Variants in DMD observed in about 807,000 individuals in gnomAD.
DMD encodes the protein mutant dystrophin.
A neutral mutation model predicts 330.1 loss-of-function variants in DMD; 63 were observed. The observed-to-expected ratio is 0.19, with a 90% confidence interval of 0.16 to 0.24. The LOEUF is 0.24. DMD is among the 10% of genes least tolerant of loss of function. DMD has a pLI of 1.00. For synonymous variants in DMD, 1,223 were observed against 959.8 expected, an observed-to-expected ratio of 1.27 and a Z score of -5.07; for missense variants, 3,344 against 2,684.1, an observed-to-expected ratio of 1.25 and a Z score of -5.43.
chrX:31,381,652 T>C (rs138627067), intron 60 of DMD, among the ~76,000 whole-genome samples: 1,322 of 111,047 alleles, frequency 0.012, 25 homozygotes, highest in African/African-American at 0.041. Context: ...TCCCCATATT[T>C]CCTTCTTTCC....
At chrX:32,949,379 TA>T (rs2091072269) in intron 2 of DMD, among the ~76,000 whole-genome samples, 2 of 93,041 alleles carry the variant, frequency 2.1e-5, no homozygotes, top group African/African-American at 1.0e-4. Context: ...GATAGATAGA[TA>T]GATAGATAGA....
intron 7 of DMD, among the ~76,000 whole-genome samples, chrX:32,706,529 A>C (rs1016932866): frequency 9.1e-6 from 1 of 109,987 alleles, no homozygotes; most frequent in Non-Finnish European, 1.9e-5. Context: ...GGGCCACTGC[A>C]CTCCACCCTG....
chrX:31,507,255 C>A (rs1026879345), intron 56 of DMD, 26 bp downstream of exon 56: 3 of 1,209,308 alleles, frequency 2.5e-6, no homozygotes, highest in Non-Finnish European at 1.1e-6. Flanking sequence ...TCATTTGTGG[C>A]CTTTTTGCTC....
chrX:32,977,430 C>G (rs969940192), intron 2 of DMD, among the ~76,000 whole-genome samples: 38 of 111,709 alleles, frequency 3.4e-4, no homozygotes, highest in African/African-American at 1.2e-3. Context: ...CTGTGGCCGA[C>G]TTGGTTCTAA....
intron 2 of DMD, among the ~76,000 whole-genome samples, chrX:32,988,707 CTATG>C (rs1227223098): frequency 8.9e-6 from 1 of 112,017 alleles, no homozygotes; most frequent in African/African-American, 3.2e-5. Context: ...TGTAGTGTGA[CTATG>C]TATGCATTAA....
rs767760836 is a variant in DMD, at chrX:33,095,640, C to A, written c.32-75440G>T. 1.6e-4 allele frequency among the ~76,000 whole-genome samples: 18 copies of A among 111,674 alleles called. 1 individual carries two copies. In the South Asian group the frequency reaches 6.7e-3, roughly 41 times the overall value. On this transcript the variant is annotated intron_variant, in intron 1 of 78. Transcript: ENST00000357033. ...ACTCATGTATCAGTAGCTTTGGGGG[C>A]TATTAGCACTACCTCCAGAATATAA...
At chrX:32,710,782 A>AC (rs2065118007) in intron 7 of DMD, among the ~76,000 whole-genome samples, 1 of 111,225 alleles carries the variant, frequency 9.0e-6, no homozygotes. Flanking sequence ...GCGTCTGCAT[A>AC]CCTGGGGGTT....
rs746191492 is a variant in DMD, at chrX:31,968,440, C to T, written c.6513G>A (p.Gln2171=). Residue 2171 remains glutamine (Q), a synonymous_variant, in exon 45 of 79, where the codon CAG becomes CAA. Transcript: ENST00000357033. The stretch of plus-strand genomic sequence containing the variant: ...TACTGGCATCTGTTTTTGAGGATTG[C>T]TGAATTATTTCTTCCCCAGTTGCAT... ...TLNATGEEII[Q]QSSKTDASIL... is the part of the protein sequence containing the mutation. The T allele has an allele frequency of 3.3e-6, 4 of 1,210,751 alleles. No individual in the cohort carries two copies. The highest frequency in any genetic ancestry group is 3.4e-6 in the Non-Finnish European group (3 of 894,832).
intron 13 of DMD, among the ~76,000 whole-genome samples, chrX:32,593,433 T>G (rs1015077238): frequency 8.9e-6 from 1 of 111,986 alleles, no homozygotes; most frequent in African/African-American, 3.2e-5. Context: ...ATTTTTATAC[T>G]GGATTGCATG....
At chrX:32,375,317 C>A (rs760085739) in intron 34 of DMD, among the ~76,000 whole-genome samples, 1 of 112,233 alleles carries the variant, frequency 8.9e-6, no homozygotes, top group Non-Finnish European at 1.9e-5. Context: ...CTGCTAGGTT[C>A]CTGTCCTGTT....
intron 47 of DMD, among the ~76,000 whole-genome samples, chrX:31,883,829 A>G (rs1028565004): frequency 4.5e-5 from 5 of 111,302 alleles, no homozygotes; most frequent in Non-Finnish European, 9.4e-5. Context: ...ACACACAGCA[A>G]AGGACATGAA....
chrX:33,323,169 T>C (rs2054039518), intron 1 of DMD, among the ~76,000 whole-genome samples: 1 of 111,781 alleles, frequency 8.9e-6, no homozygotes, highest in African/African-American at 3.2e-5. Flanking sequence ...AACCAACAGG[T>C]TAGAAAATAA....
intron 44 of DMD, among the ~76,000 whole-genome samples, chrX:31,975,376 A>G (rs2095428632): frequency 8.9e-6 from 1 of 112,067 alleles, no homozygotes; most frequent in African/African-American, 3.2e-5. Context: ...AGCTCTCTCT[A>G]CGTTCAAGGA....
intron 7 of DMD, among the ~76,000 whole-genome samples, chrX:32,730,620 G>C (rs905704869): frequency 1.8e-5 from 2 of 112,100 alleles, no homozygotes; most frequent in Non-Finnish European, 1.9e-5. Context: ...AAGACTAAAA[G>C]AAAGGACAGG....
chrX:32,477,588 T>C (rs1433188094), intron 21 of DMD, among the ~76,000 whole-genome samples: 1 of 111,040 alleles, frequency 9.0e-6, no homozygotes, highest in Non-Finnish European at 1.9e-5. Flanking sequence ...CTACATTTTC[T>C]AATACACATG....
chrX:32,771,788 A>G (rs910093306), intron 7 of DMD, among the ~76,000 whole-genome samples: 1 of 112,081 alleles, frequency 8.9e-6, no homozygotes, highest in African/African-American at 3.3e-5. Flanking sequence ...TGCTCAAACT[A>G]AAAGCACTGA....
intron 7 of DMD, among the ~76,000 whole-genome samples, chrX:32,705,319 A>C (rs1316936584): frequency 8.9e-6 from 1 of 112,237 alleles, no homozygotes; most frequent in African/African-American, 3.2e-5. Context: ...AAGGACGGTA[A>C]AATGTCATAA....
intron 61 of DMD, among the ~76,000 whole-genome samples, chrX:31,342,018 A>G (rs1279650400): frequency 9.0e-6 from 1 of 111,129 alleles, no homozygotes; most frequent in African/African-American, 3.3e-5. Flanking sequence ...GTTCCATTCC[A>G]TTCCATTCCA....
intron 54 of DMD, among the ~76,000 whole-genome samples, chrX:31,641,381 T>A (rs1372559828): frequency 9.2e-6 from 1 of 108,267 alleles, no homozygotes; most frequent in East Asian, 2.9e-4. Flanking sequence ...TGGGTGCCTG[T>A]AATCCCAGCC....
Sources: allele counts gnomAD v4.1 joint callset (sites outside exome capture counted in the v4.1 genomes callset), GRCh38; gene constraint gnomAD v4.1.1; transcripts MANE v1.5; gene names NCBI Gene and HGNC (gene_info 2026-07-23, HGNC 2026-07-21).